The following DENND4A variants were observed in gnomAD, a reference collection of about 807,000 sequenced individuals.
The protein encoded by DENND4A is DENN domain containing 4A.
In DENND4A, 70 loss-of-function variants were observed where a neutral mutation model predicts 199.3. The ratio of observed to expected loss-of-function variants is 0.35; its 90% CI spans 0.29 to 0.43. The LOEUF (loss-of-function observed/expected upper bound fraction) is 0.43. Ranked by LOEUF, DENND4A falls within the 20% of genes least tolerant of loss-of-function variation. The probability of loss-of-function intolerance (pLI) is 1.00; values close to 1 mark genes in which losing one functional copy is unlikely to be tolerated. For missense variants in DENND4A, 1,723 were observed against 2,255.8 expected (o/e 0.76, Z 4.78); for synonymous variants, 686 against 766.9 (o/e 0.89, Z 1.74).
intron 14 of DENND4A, among the ~76,000 whole-genome samples, chr15:65,714,507 C>T (rs2075340591): frequency 6.6e-6 from 1 of 152,092 alleles, no homozygotes; most frequent in African/African-American, 2.4e-5. Flanking sequence ...CCCATCTTCA[C>T]CACCACCCCT....
intron 1 of DENND4A, among the ~76,000 whole-genome samples, chr15:65,774,199 T>TA (rs982374697): frequency 6.6e-6 from 1 of 150,600 alleles, no homozygotes; most frequent in African/African-American, 2.5e-5. Flanking sequence ...CTACTAAAAA[T>TA]AAAAAAATTG....
intron 23 of DENND4A, among the ~76,000 whole-genome samples, chr15:65,681,644 C>T (rs1244107391): frequency 6.7e-6 from 1 of 149,690 alleles, no homozygotes. Flanking sequence ...ACAGTCATCT[C>T]AGCCCAATGC....
intron 1 of DENND4A, among the ~76,000 whole-genome samples, chr15:65,785,218 G>A (rs2077535527): frequency 6.6e-6 from 1 of 151,602 alleles, no homozygotes; most frequent in South Asian, 2.1e-4. Flanking sequence ...AATTTATAAA[G>A]GCTGGGCATG....
At position 65,659,230 on chromosome 15, in the gene DENND4A, A is replaced by G. The variant is rs1371015999; in HGVS notation, c.*2621T>C. 1 of 151,886 alleles carries G rather than the reference A, an allele frequency of 6.6e-6. No individual in the cohort carries two copies. The highest frequency in any genetic ancestry group is 1.5e-5 in the Non-Finnish European group (1 of 67,990). 9.4% of individuals were successfully genotyped at this position (151,886 alleles called of 1,614,324 possible). On this transcript the variant is annotated 3_prime_UTR_variant, in exon 33 of 33. Coordinates refer to ENST00000443035, the MANE Select transcript of DENND4A (RefSeq NM_001320835.1). The stretch of plus-strand genomic sequence containing the variant: ...TGTAGCAAAAGGGCATTTCTCTCCA[A>G]CATGATTGGCCATTATTCTCCAAAA...
At chr15:65,703,125 ATCTT>A (rs1596475299) in intron 15 of DENND4A, 117 bp from the exon 16 acceptor site, 2 of 920,022 alleles carry the variant, frequency 2.2e-6, no homozygotes, top group East Asian at 2.6e-5. Flanking sequence ...GAATTTAACT[ATCTT>A]TCTTTGTCAG....
intron 12 of DENND4A, 74 bp downstream of exon 12, chr15:65,722,774 T>C (rs2075686697): frequency 8.5e-7 from 1 of 1,174,224 alleles, no homozygotes; most frequent in Non-Finnish European, 1.1e-6. Flanking sequence ...CATTATTCTT[T>C]TATAAGTAAG....
At chr15:65,761,638 A>G (rs1176343888) in intron 1 of DENND4A, among the ~76,000 whole-genome samples, 200 bp from the exon 2 acceptor site, 1 of 152,186 alleles carries the variant, frequency 6.6e-6, no homozygotes, top group Non-Finnish European at 1.5e-5. Flanking sequence ...CTTTAAAAAC[A>G]AAACATGCTG....
chr15:65,756,856 T>C (rs1488875195), intron 2 of DENND4A, among the ~76,000 whole-genome samples: 1 of 152,042 alleles, frequency 6.6e-6, no homozygotes, highest in African/African-American at 2.4e-5. Context: ...GCCAACATGG[T>C]GAAACCTTGT....
chr15:65,691,996 TCTCA>T (rs2076988546), intron 22 of DENND4A, among the ~76,000 whole-genome samples: 2 of 148,416 alleles, frequency 1.3e-5, no homozygotes, highest in African/African-American at 5.0e-5. Flanking sequence ...AGACACAGGA[TCTCA>T]CTATGTTGCC....
chr15:65,679,141 C>A (rs1416110363), intron 23 of DENND4A, among the ~76,000 whole-genome samples: 1 of 152,152 alleles, frequency 6.6e-6, no homozygotes, highest in Non-Finnish European at 1.5e-5. Flanking sequence ...GTCACCCGGG[C>A]TGGAGTGCAG....
intron 2 of DENND4A, among the ~76,000 whole-genome samples, chr15:65,759,476 T>C (rs571492045): frequency 6.6e-6 from 1 of 151,870 alleles, no homozygotes; most frequent in Non-Finnish European, 1.5e-5. Context: ...AGACTCCATC[T>C]GGAAAAAAAA....
At chr15:65,739,236 T>A (rs2076187908) in intron 5 of DENND4A, among the ~76,000 whole-genome samples, 1 of 150,554 alleles carries the variant, frequency 6.6e-6, no homozygotes, top group African/African-American at 2.4e-5. Flanking sequence ...TTTATTTTCA[T>A]CTATCTACTT....
At position 65,659,146 on chromosome 15, in the gene DENND4A, A is replaced by G. The variant is rs2141771095; in HGVS notation, c.*2705T>C. ...GCTACATCAGCACAGGACATGGTTT[A>G]TTGTCAACCATTTAAACATATAAAC... On this transcript the variant is annotated 3_prime_UTR_variant, in exon 33 of 33. Coordinates refer to ENST00000443035, the MANE Select transcript of DENND4A (RefSeq NM_001320835.1). The G allele has an allele frequency of 6.6e-6, 1 of 152,274 alleles. No individual in the cohort carries two copies. Among genetic ancestry groups the G allele is most frequent in the Non-Finnish European group, 1.5e-5 (1 of 68,022 alleles). The allele number at this position is 152,274 out of a possible 1,614,324, so 9.4% of individuals were successfully genotyped here.
At position 65,715,461 on chromosome 15, in the gene DENND4A, G is replaced by C. The variant is rs2075370420; in HGVS notation, c.1953+17C>G. On this transcript the variant is annotated intron_variant, in intron 14 of 32. Transcript: ENST00000443035. The stretch of plus-strand genomic sequence containing the variant: ...ACACAAAATAAGTTAGGGCATTGTA[G>C]ATGTACTGTTACTTACTTTATCTAC... The C allele has an allele frequency of 6.3e-7, 1 of 1,598,368 alleles. No homozygotes were observed. The highest frequency in any genetic ancestry group is 8.5e-7 in the Non-Finnish European group (1 of 1,175,368).
intron 1 of DENND4A, among the ~76,000 whole-genome samples, chr15:65,765,385 C>T (rs2076957372): frequency 2.0e-5 from 3 of 152,236 alleles, no homozygotes; most frequent in African/African-American, 7.2e-5. Context: ...AAGCCATTAT[C>T]TTTTAACACA....
In DENND4A at chr15:65,702,932, A is replaced by C; in HGVS notation, c.2164T>G (p.Leu722Val). ...TTAGGACTACTTGATTTTGAAGGCA[A>C]TTTGTTCTTCTTTGCTTGTAGAAAT... ...EGFLQAKKNK[L>V]PSKSSSPNSP... The change falls in exon 16 of 33, where the codon TTG becomes GTG. Residue 722 changes from leucine to valine, a missense_variant. Around this residue, in one of 6 missense-constraint regions of DENND4A, gnomAD observed 725 missense variants for 952.9 expected, o/e 0.76. Transcript: ENST00000443035. 1 of 1,613,348 alleles carries C rather than the reference A, an allele frequency of 6.2e-7. No individual in the cohort carries two copies. The highest frequency in any genetic ancestry group is 1.1e-5 in the South Asian group (1 of 91,052).
Position 65,690,926 on chromosome 15 carries a change from T to A in DENND4A, c.3668A>T (p.Gln1223Leu), listed in dbSNP as rs377300027. The change falls in exon 23 of 33, where the codon CAG (glutamine) becomes CTG (leucine). Residue 1223 changes from glutamine to leucine, a missense_variant. Transcript: ENST00000443035. ...PLSLLVAETEQQQKEEEEEDE... is the reference protein window; with the variant it reads ...PLSLLVAETELQQKEEEEEDE... The stretch of plus-strand genomic sequence containing the variant: ...CTCCTCCTCTTCTTCTTTTTGCTGC[T>A]GTTCAGTCTCAGCAACCAAAAGAGA... 3.1e-6 allele frequency: 5 copies of A among 1,605,288 alleles called. No individual in the cohort carries two copies. The African/African-American group carries it at 6.7e-5, about 21-fold the overall frequency.
chr15:65,684,624 G>C (rs1161450642), intron 23 of DENND4A, among the ~76,000 whole-genome samples: 1 of 152,090 alleles, frequency 6.6e-6, no homozygotes, highest in Non-Finnish European at 1.5e-5. Flanking sequence ...ACTAAATACA[G>C]AATTTGCGTA....
At position 65,729,654 on chromosome 15, in the gene DENND4A, C is replaced by T; in HGVS notation, c.1191G>A (p.Leu397=). The T allele has an allele frequency of 1.3e-6, 2 of 1,554,852 alleles. No homozygotes were observed. The highest frequency in any genetic ancestry group is 1.7e-6 in the Non-Finnish European group (2 of 1,148,930). The change falls in exon 10 of 33, where the codon CTG becomes CTA. Residue 397 remains leucine, a synonymous_variant. Transcript: ENST00000443035. ...CAGCATTTTCAGGGCCTAAATTCTGCAGTAGTGTTGAAAACTTGCCACCAC... is the reference window on the plus strand; with the variant it reads ...CAGCATTTTCAGGGCCTAAATTCTGTAGTAGTGTTGAAAACTTGCCACCAC... ...PLSGGKFSTL[L]QNLGPENAVT... is the part of the protein sequence containing the mutation.
Sources: allele counts gnomAD v4.1 joint callset (sites outside exome capture counted in the v4.1 genomes callset), GRCh38; gene constraint gnomAD v4.1.1; regional missense constraint gnomAD v4.1.1; transcripts MANE v1.5; gene names NCBI Gene and HGNC (gene_info 2026-07-23, HGNC 2026-07-21).